The following CEP126 variants were observed in gnomAD, a reference collection of about 807,000 sequenced individuals.
The protein encoded by CEP126 is centrosomal protein 126.
A neutral mutation model predicts 107.8 loss-of-function variants in CEP126; 74 were observed. The ratio of observed to expected loss-of-function variants is 0.69; its 90% CI spans 0.57 to 0.83. The LOEUF (loss-of-function observed/expected upper bound fraction) is 0.83. Among genes scored for constraint, CEP126 ranks in the 40% least tolerant of loss-of-function variants. The probability of loss-of-function intolerance (pLI) is 0.00; values close to 1 mark genes in which losing one functional copy is unlikely to be tolerated. For missense variants in CEP126, 1,237 were observed against 1,281.9 expected (o/e 0.96, Z 0.53); for synonymous variants, 449 against 446.0 (o/e 1.01, Z -0.08).
At chr11:101,978,843 G>T (rs955700163) in intron 7 of CEP126, among the ~76,000 whole-genome samples, 5 of 152,066 alleles carry the variant, frequency 3.3e-5, no homozygotes, top group Non-Finnish European at 5.9e-5. Context: ...AAACAAGTAT[G>T]CTAGGCCAGG....
In CEP126 at chr11:101,915,173, G is replaced by T; in HGVS notation, c.-112G>T. The T allele has an allele frequency of 6.7e-7, 1 of 1,495,834 alleles. No homozygotes were observed. The highest frequency in any genetic ancestry group is 9.0e-7 in the Non-Finnish European group (1 of 1,106,400). The allele number at this position is 1,495,834 out of a possible 1,614,324, so 92.7% of individuals were successfully genotyped here. ...AGGCCAACCCTTCCGCGCCCGTGAC[G>T]CGGGGCCTGAGAGACGGAGTGTAGG... On this transcript the variant is annotated 5_prime_UTR_variant, in exon 1 of 11. Transcript: ENST00000263468.
At chr11:101,987,562 G>A (rs114477741) in intron 9 of CEP126, among the ~76,000 whole-genome samples, 1,657 of 151,958 alleles carry the variant, frequency 0.011, 30 homozygotes, top group African/African-American at 0.038. Context: ...AGGATGAGTA[G>A]TCTCACAGAA....
rs1940546595 is a variant in CEP126 at position 101,934,402 on chromosome 11, A to G, written c.249-9863A>G. On this transcript the variant is annotated intron_variant, in intron 2 of 10. Coordinates refer to ENST00000263468, the MANE Select transcript of CEP126 (RefSeq NM_020802.4). The stretch of plus-strand genomic sequence containing the variant: ...CAAAATCTCAATTTCAGTCATCTCA[A>G]TCTCTGATCTATATCTCCTATTTTT... Among the ~76,000 whole-genome samples, 3 of 151,952 alleles carry G rather than the reference A, an allele frequency of 2.0e-5. No individual in the cohort carries two copies. The South Asian group carries it at 6.2e-4, about 31-fold the overall frequency.
In CEP126 at chr11:101,942,107, C is replaced by T. The variant is rs146458371; in HGVS notation, c.249-2158C>T. 3.0e-4 allele frequency among the ~76,000 whole-genome samples: 45 copies of T among 151,986 alleles called. No homozygotes were observed. In the East Asian group the frequency reaches 8.3e-3, roughly 28 times the overall value. On this transcript the variant is annotated intron_variant, in intron 2 of 10. Coordinates refer to ENST00000263468, the MANE Select transcript of CEP126 (RefSeq NM_020802.4). ...GGCCTTTTTACTGTGTTGATGGTGTCCTTGGATCCACAAAAGTTTTTAATT... is the reference window on the plus strand; with the variant it reads ...GGCCTTTTTACTGTGTTGATGGTGTTCTTGGATCCACAAAAGTTTTTAATT...
intron 4 of CEP126, among the ~76,000 whole-genome samples, chr11:101,954,604 C>A (rs1175391094): frequency 3.3e-5 from 5 of 151,864 alleles, no homozygotes; most frequent in African/African-American, 1.2e-4. Context: ...ACTTTGACTT[C>A]ATGATATCTA....
chr11:101,922,613 A>G (rs1180663828), intron 1 of CEP126, 28 bp from the exon 2 acceptor site: 5 of 1,567,930 alleles, frequency 3.2e-6, no homozygotes, highest in Non-Finnish European at 4.4e-6. Context: ...GATGTAGACC[A>G]TTGTTCTTAA....
intron 3 of CEP126, among the ~76,000 whole-genome samples, chr11:101,947,605 GT>G (rs1940755474): frequency 6.6e-6 from 1 of 152,084 alleles, no homozygotes; most frequent in Non-Finnish European, 1.5e-5. Context: ...CATAGTGAGG[GT>G]TAGTTTATGT....
rs2137141356 is a variant in CEP126, at chr11:101,998,191, AG to A, written c.*550del. 1 of 152,630 alleles carries A rather than the reference AG, an allele frequency of 6.6e-6. No individual in the cohort carries two copies. The highest frequency in any genetic ancestry group is 2.1e-4 in the South Asian group (1 of 4,830). 9.5% of individuals were successfully genotyped at this position (152,630 alleles called of 1,614,324 possible). A position where few individuals can be genotyped will look rare whatever the true frequency, so the allele number is the denominator to read the frequency against. ...GGTTACCTTTTTGTATGGTGAAGGG[AG>A]GCCTTCCTATGGCTGTACAATTACA... On this transcript the variant is annotated 3_prime_UTR_variant, in exon 11 of 11. Coordinates refer to ENST00000263468, the MANE Select transcript of CEP126 (RefSeq NM_020802.4).
intron 2 of CEP126, among the ~76,000 whole-genome samples, chr11:101,938,129 C>T (rs1398414098): frequency 8.4e-5 from 9 of 106,802 alleles, no homozygotes; most frequent in South Asian, 5.8e-4. Flanking sequence ...GTCCGCAGTC[C>T]GGCCTGGGCG....
chr11:101,922,620 T>C (rs1422853700), intron 1 of CEP126, 21 bp from the exon 2 acceptor site: 1 of 1,582,724 alleles, frequency 6.3e-7, no homozygotes, highest in Non-Finnish European at 8.7e-7. Context: ...ACCATTGTTC[T>C]TAACTTAATG....
intron 10 of CEP126, among the ~76,000 whole-genome samples, chr11:101,995,135 C>T (rs1941428092): frequency 1.3e-5 from 2 of 152,116 alleles, no homozygotes; most frequent in Non-Finnish European, 2.9e-5. Flanking sequence ...TAAAACTAGA[C>T]ATTACTGAAT....
intron 2 of CEP126, among the ~76,000 whole-genome samples, chr11:101,926,254 T>G (rs1940408709): frequency 6.6e-6 from 1 of 152,052 alleles, no homozygotes; most frequent in Non-Finnish European, 1.5e-5. Context: ...AAGAACAAAG[T>G]CTCTCGTATT....
chr11:101,926,089 A>T (rs999634273), intron 2 of CEP126, among the ~76,000 whole-genome samples: 4 of 152,194 alleles, frequency 2.6e-5, no homozygotes, highest in African/African-American at 9.7e-5. Flanking sequence ...ATTCCGAAAG[A>T]TAAAACAATA....
At chr11:101,944,532 T>C in intron 3 of CEP126, 122 bp downstream of exon 3, 1 of 925,376 alleles carries the variant, frequency 1.1e-6, no homozygotes, top group Non-Finnish European at 1.6e-6. Flanking sequence ...AATATGACTT[T>C]TGAGTAAAAG....
chr11:101,976,683 T>C (rs892136047), intron 6 of CEP126, among the ~76,000 whole-genome samples: 21 of 152,238 alleles, frequency 1.4e-4, no homozygotes, highest in African/African-American at 4.8e-4. Context: ...ACTTTACATC[T>C]TTGTACATAA....
chr11:101,961,612 C>T (rs377136982), intron 5 of CEP126, 129 bp from the exon 6 acceptor site: 3 of 542,512 alleles, frequency 5.5e-6, no homozygotes, highest in East Asian at 6.2e-5. Flanking sequence ...ATTTATATAC[C>T]TATGATGTTT....
rs962514391 is a variant in CEP126 at position 101,997,704 on chromosome 11, G to A, written c.*61G>A. The A allele has an allele frequency of 1.0e-5, 16 of 1,604,118 alleles. No individual in the cohort carries two copies. In the Middle Eastern group the frequency reaches 5.0e-4, roughly 50 times the overall value. On this transcript the variant is annotated 3_prime_UTR_variant, in exon 11 of 11. Transcript: ENST00000263468. ...ACTTCCCTAGGACTAGATGCATACC[G>A]TTTTGTGAAAACCAGCCATAGGAAA...
At chr11:101,919,788 A>T (rs1940295407) in intron 1 of CEP126, among the ~76,000 whole-genome samples, 1 of 152,196 alleles carries the variant, frequency 6.6e-6, no homozygotes, top group African/African-American at 2.4e-5. Flanking sequence ...GACTTCAAAC[A>T]TGTCAAACAG....
chr11:101,990,945 G>A (rs1259796498), intron 9 of CEP126, among the ~76,000 whole-genome samples: 1 of 152,094 alleles, frequency 6.6e-6, no homozygotes, highest in Non-Finnish European at 1.5e-5. Context: ...GGCTGAGGCA[G>A]GCAGATCACT....
Sources: gnomAD v4.1 joint callset for allele counts (sites outside exome capture counted in the v4.1 genomes callset) on GRCh38, gnomAD v4.1.1 for gene constraint, MANE v1.5 for transcripts, NCBI Gene and HGNC (gene_info 2026-07-23, HGNC 2026-07-21) for gene names.